Variants in UNC5C observed in about 807,000 individuals in gnomAD.
The protein encoded by UNC5C is netrin receptor UNC5C.
In UNC5C, 47 loss-of-function variants were observed where a neutral mutation model predicts 99.8. The ratio of observed to expected loss-of-function variants is 0.47; its 90% CI spans 0.37 to 0.60. The LOEUF is 0.60. Among genes scored for constraint, UNC5C ranks in the 20% least tolerant of loss-of-function variants. The probability of loss-of-function intolerance (pLI) is 0.00; values close to 1 mark genes in which losing one functional copy is unlikely to be tolerated. For synonymous variants in UNC5C, 487 were observed against 452.2 expected (o/e 1.08, Z -0.98); for missense variants, 1,062 against 1,165.9 (o/e 0.91, Z 1.30).
At chr4:95,346,718 T>C (rs1743787032) in intron 1 of UNC5C, among the ~76,000 whole-genome samples, 1 of 151,922 alleles carries the variant, frequency 6.6e-6, no homozygotes, top group African/African-American at 2.4e-5. Flanking sequence ...TCAACATCCT[T>C]TCATGATAGA....
chr4:95,407,262 G>C (rs1393410083), intron 1 of UNC5C, among the ~76,000 whole-genome samples: 1 of 152,042 alleles, frequency 6.6e-6, no homozygotes, highest in Non-Finnish European at 1.5e-5. Context: ...TGTTTTTTGG[G>C]ATACGAGGGC....
At chr4:95,436,004 T>C (rs972437156) in intron 1 of UNC5C, among the ~76,000 whole-genome samples, 3 of 152,066 alleles carry the variant, frequency 2.0e-5, no homozygotes, top group Non-Finnish European at 4.4e-5. Flanking sequence ...CAGAACTGAT[T>C]GGACAATTTC....
intron 1 of UNC5C, among the ~76,000 whole-genome samples, chr4:95,399,705 A>C (rs1745632090): frequency 6.6e-6 from 1 of 152,192 alleles, no homozygotes; most frequent in Non-Finnish European, 1.5e-5. Flanking sequence ...TAGTCAAATG[A>C]CATTTCTTTA....
intron 1 of UNC5C, among the ~76,000 whole-genome samples, chr4:95,379,761 A>G (rs1047506803): frequency 1.3e-5 from 2 of 152,198 alleles, no homozygotes; most frequent in Non-Finnish European, 2.9e-5. Context: ...CTCCGCAGCC[A>G]TCAGAATAAG....
At position 95,169,257 on chromosome 4, in the gene UNC5C, A is replaced by G. The variant is rs1735987851; in HGVS notation, c.2773T>C (p.Leu925=). The G allele has an allele frequency of 1.9e-6, 3 of 1,614,054 alleles. No individual in the cohort carries two copies. The highest frequency in any genetic ancestry group is 2.5e-6 in the Non-Finnish European group (3 of 1,180,008). ...GGTTAATACTGCCCTTCTGCTGCTA[A>G]GGACACCACCGTTTCATGTCTTCCC... ...EMGRHETVVS[L]AAEGQY Residue 925 remains leucine, a synonymous_variant, in exon 16 of 16, where the codon TTA becomes CTA. Coordinates refer to ENST00000453304, the MANE Select transcript of UNC5C (RefSeq NM_003728.4).
chr4:95,259,157 C>G (rs1016328374), intron 4 of UNC5C, among the ~76,000 whole-genome samples: 1 of 152,104 alleles, frequency 6.6e-6, no homozygotes, highest in East Asian at 1.9e-4. Context: ...GATTTTGGAG[C>G]TAATGTTTAT....
chr4:95,548,751 G>C lies in UNC5C; in HGVS notation c.107C>G (p.Thr36Ser). The part of the protein sequence containing the change: ...PALALLSASG[T>S]GSAAQDDDFF... ...CCCCTTACCTTGGGCGGCGGAGCCA[G>C]TGCCGCTGGCGCTGAGCAGGGCCAG... Residue 36 changes from threonine to serine, a missense_variant, in exon 1 of 16, where the codon ACT becomes AGT. Thr to Ser is a moderately conservative substitution (Grantham distance 58, BLOSUM62 1). Transcript: ENST00000453304. 1 of 1,612,950 alleles carries C rather than the reference G, an allele frequency of 6.2e-7. No individual in the cohort carries two copies. Among genetic ancestry groups the C allele is most frequent in the South Asian group, 1.1e-5 (1 of 91,040 alleles).
chr4:95,366,801 CATTGAGGCTGTT>C (rs547139496), intron 1 of UNC5C, among the ~76,000 whole-genome samples: 169 of 152,228 alleles, frequency 1.1e-3, no homozygotes, highest in Non-Finnish European at 2.2e-3. Context: ...CAGAGCTAAA[CATTGAGGCTGTT>C]ATTTCAAAAG....
At chr4:95,394,651 C>T (rs186811627) in intron 1 of UNC5C, among the ~76,000 whole-genome samples, 37 of 147,748 alleles carry the variant, frequency 2.5e-4, no homozygotes, top group Non-Finnish European at 3.6e-4. Context: ...AAGGTATTTG[C>T]TGTGTGTGTG....
chr4:95,511,005 T>C (rs988533075), intron 1 of UNC5C, among the ~76,000 whole-genome samples: 39 of 152,120 alleles, frequency 2.6e-4, no homozygotes, highest in African/African-American at 9.4e-4. Context: ...ATAATTTCTG[T>C]TGAATATAAA....
intron 1 of UNC5C, among the ~76,000 whole-genome samples, chr4:95,362,785 T>C (rs982785799): frequency 9.9e-5 from 15 of 152,126 alleles, no homozygotes; most frequent in Admixed American, 2.0e-4. Context: ...ATTCATTGAA[T>C]AACTTTAAAT....
chr4:95,531,635 A>G (rs1223537862), intron 1 of UNC5C, among the ~76,000 whole-genome samples: 2 of 152,242 alleles, frequency 1.3e-5, no homozygotes, highest in African/African-American at 4.8e-5. Flanking sequence ...CCCAAAAATA[A>G]TAGGCTGTGG....
chr4:95,342,401 C>T lies in UNC5C; in HGVS notation c.125-6770G>A, dbSNP rs531141933. ...AGTTCCCAGGCTACATTTCTAGAGC[C>T]GCTTTGGGCCAGAAGCAAAACTACT... On this transcript the variant is annotated intron_variant, in intron 1 of 15. Coordinates refer to ENST00000453304, the MANE Select transcript of UNC5C (RefSeq NM_003728.4). 6.6e-5 allele frequency among the ~76,000 whole-genome samples: 10 copies of T among 152,160 alleles called. No homozygotes were observed. The South Asian group carries it at 1.2e-3, about 19-fold the overall frequency.
intron 3 of UNC5C, among the ~76,000 whole-genome samples, chr4:95,300,805 G>T (rs1230440978): frequency 6.6e-6 from 1 of 152,168 alleles, no homozygotes; most frequent in East Asian, 1.9e-4. Flanking sequence ...AAGGGTAGTG[G>T]CAGGGTTTTG....
At chr4:95,205,732 A>G (rs577664293) in intron 11 of UNC5C, among the ~76,000 whole-genome samples, 2 of 152,264 alleles carry the variant, frequency 1.3e-5, no homozygotes, top group Admixed American at 1.3e-4. Flanking sequence ...TTACTGAAAT[A>G]TAGGTGCTAA....
intron 1 of UNC5C, among the ~76,000 whole-genome samples, chr4:95,520,342 C>T (rs1478426580): frequency 6.6e-6 from 1 of 152,064 alleles, no homozygotes; most frequent in African/African-American, 2.4e-5. Flanking sequence ...AACACTTAAA[C>T]ATTTTTCATT....
At chr4:95,400,145 CCT>C (rs1745645083) in intron 1 of UNC5C, among the ~76,000 whole-genome samples, 1 of 152,082 alleles carries the variant, frequency 6.6e-6, no homozygotes, top group African/African-American at 2.4e-5. Context: ...TACATCATCC[CCT>C]CTCTTTGCGT....
Position 95,169,266 on chromosome 4 carries a change from C to G in UNC5C, c.2764G>C (p.Val922Leu), listed in dbSNP as rs755980772. Residue 922 changes from valine to leucine, a missense_variant, in exon 16 of 16, where the codon GTG (valine) becomes CTG (leucine). Physicochemically the swap from Val to Leu is conservative, Grantham distance 32. Around this residue, in one of 3 missense-constraint regions of UNC5C, gnomAD observed 810 missense variants for 854.5 expected, o/e 0.95. Transcript: ENST00000453304. ...TGCCCTTCTGCTGCTAAGGACACCA[C>G]CGTTTCATGTCTTCCCATTTCTTCC... ...VLEEMGRHETVVSLAAEGQY is the reference protein window; with the variant it reads ...VLEEMGRHETLVSLAAEGQY 1 of 1,614,170 alleles carries G rather than the reference C, an allele frequency of 6.2e-7. No individual in the cohort carries two copies. Among genetic ancestry groups the G allele is most frequent in the South Asian group, 1.1e-5 (1 of 91,086 alleles).
chr4:95,328,066 T>TTA (rs1742966976), intron 2 of UNC5C, among the ~76,000 whole-genome samples: 1 of 139,144 alleles, frequency 7.2e-6, no homozygotes, highest in African/African-American at 2.7e-5. Flanking sequence ...TTTTTAATTT[T>TTA]TTTTTTTTTT....
Sources: allele counts gnomAD v4.1 joint callset (sites outside exome capture counted in the v4.1 genomes callset), GRCh38; gene constraint gnomAD v4.1.1; regional missense constraint gnomAD v4.1.1; transcripts MANE v1.5; gene names NCBI Gene and HGNC (gene_info 2026-07-23, HGNC 2026-07-21).